The following ST6GAL1 variants were observed in gnomAD, a reference collection of about 807,000 sequenced individuals.
ST6GAL1 encodes the protein beta-galactoside alpha-2,6-sialyltransferase 1.
Under a neutral mutation model 38.0 loss-of-function variants are expected in ST6GAL1, and 20 were observed. The ratio of observed to expected loss-of-function variants is 0.53; its 90% CI spans 0.37 to 0.77. The LOEUF (loss-of-function observed/expected upper bound fraction) is 0.77, where lower values mean the gene tolerates loss of function less well. ST6GAL1 is among the 30% of genes least tolerant of loss of function. The pLI is 0.00. For missense variants in ST6GAL1, 432 were observed against 496.4 expected (o/e 0.87, Z 1.23); for synonymous variants, 196 against 188.2 (o/e 1.04, Z -0.34).
chr3:187,002,575 C>T (rs912510502), intron 2 of ST6GAL1, among the ~76,000 whole-genome samples: 28 of 152,166 alleles, frequency 1.8e-4, no homozygotes, highest in Admixed American at 9.2e-4. Flanking sequence ...GCTTTCTTGC[C>T]GCTAAGCATC....
At chr3:187,015,416 A>G (rs1717083357) in intron 2 of ST6GAL1, among the ~76,000 whole-genome samples, 1 of 152,190 alleles carries the variant, frequency 6.6e-6, no homozygotes, top group South Asian at 2.1e-4. Flanking sequence ...CCAGCATCCT[A>G]AGTGTGCTCT....
intron 3 of ST6GAL1, among the ~76,000 whole-genome samples, chr3:187,039,696 G>A (rs1300517160): frequency 2.6e-5 from 4 of 152,166 alleles, no homozygotes; most frequent in African/African-American, 7.2e-5. Flanking sequence ...CTTTTCCCTC[G>A]GTTGCGCCAT....
intron 1 of ST6GAL1, among the ~76,000 whole-genome samples, chr3:186,943,258 G>T (rs1031074717): frequency 1.1e-4 from 16 of 152,174 alleles, no homozygotes; most frequent in African/African-American, 3.6e-4. Context: ...GCAGGGGAAG[G>T]CTGCAGGAGC....
chr3:187,065,159 C>T (rs1719059151), intron 5 of ST6GAL1, among the ~76,000 whole-genome samples: 1 of 152,048 alleles, frequency 6.6e-6, no homozygotes, highest in East Asian at 1.9e-4. Context: ...CCACCATGCC[C>T]AGCTAATTTT....
At chr3:186,993,752 G>A (rs978097328) in intron 2 of ST6GAL1, among the ~76,000 whole-genome samples, 1 of 152,098 alleles carries the variant, frequency 6.6e-6, no homozygotes, top group Non-Finnish European at 1.5e-5. Flanking sequence ...TAGCTGTGTG[G>A]TCTTTCGAAA....
intron 2 of ST6GAL1, among the ~76,000 whole-genome samples, chr3:186,985,188 C>T (rs1367157370): frequency 3.3e-5 from 5 of 152,042 alleles, no homozygotes; most frequent in African/African-American, 7.2e-5. Context: ...GGATTGCAGA[C>T]GTGAGCCACT....
At chr3:187,053,704 TTATAG>T (rs910007750) in intron 5 of ST6GAL1, among the ~76,000 whole-genome samples, 36 of 152,224 alleles carry the variant, frequency 2.4e-4, no homozygotes, top group Non-Finnish European at 4.1e-4. Flanking sequence ...TACTGTAGCC[TTATAG>T]TATAGTTTGA....
rs540151994 is a variant in ST6GAL1 at position 186,956,288 on chromosome 3, T to A, written c.-324-7497T>A. ...AAAATTTGTGAAAGTCAAGCTTTAT[T>A]CTTAACCCATTTGGTGGCAAAACCT... On this transcript the variant is annotated intron_variant, in intron 1 of 7. Transcript: ENST00000169298. Among the ~76,000 whole-genome samples, 246 of 152,334 alleles carry A rather than the reference T, an allele frequency of 1.6e-3. 2 individuals carry two copies. The highest frequency in any genetic ancestry group is 0.013 in the South Asian group (61 of 4,828).
chr3:186,996,843 T>TC (rs1716428015), intron 2 of ST6GAL1, among the ~76,000 whole-genome samples: 1 of 151,714 alleles, frequency 6.6e-6, no homozygotes, highest in African/African-American at 2.4e-5. Context: ...TACATACGTG[T>TC]CCCCCGCTTC....
chr3:186,953,246 A>G (rs1388825295), intron 1 of ST6GAL1, among the ~76,000 whole-genome samples: 1 of 152,180 alleles, frequency 6.6e-6, no homozygotes, highest in Non-Finnish European at 1.5e-5. Flanking sequence ...AGAAAGGCCT[A>G]CAGGATTCTG....
intron 2 of ST6GAL1, among the ~76,000 whole-genome samples, chr3:186,972,624 T>A (rs1267451335): frequency 6.6e-6 from 1 of 152,106 alleles, no homozygotes; most frequent in African/African-American, 2.4e-5. Flanking sequence ...TGACGCCACA[T>A]AACACGGCTC....
intron 2 of ST6GAL1, among the ~76,000 whole-genome samples, chr3:187,032,521 A>T (rs1364752823): frequency 6.6e-6 from 1 of 152,224 alleles, no homozygotes; most frequent in Non-Finnish European, 1.5e-5. Flanking sequence ...AGTGCTAGAC[A>T]TTCATCTAGT....
At chr3:187,032,445 A>T (rs926931590) in intron 2 of ST6GAL1, among the ~76,000 whole-genome samples, 2 of 152,210 alleles carry the variant, frequency 1.3e-5, no homozygotes, top group African/African-American at 4.8e-5. Context: ...GAGTGATGCC[A>T]GGAGTAAGAG....
intron 1 of ST6GAL1, among the ~76,000 whole-genome samples, chr3:186,934,857 C>G (rs182794956): frequency 6.6e-6 from 1 of 151,768 alleles, no homozygotes; most frequent in Non-Finnish European, 1.5e-5. Context: ...AGCTCCGCCT[C>G]CCGGGTTCAC....
chr3:186,990,447 C>T (rs1424136614), intron 2 of ST6GAL1, among the ~76,000 whole-genome samples: 1 of 152,124 alleles, frequency 6.6e-6, no homozygotes, highest in Non-Finnish European at 1.5e-5. Context: ...AGCATGTGTT[C>T]ATGTTCAGTC....
Position 186,999,481 on chromosome 3 carries a change from G to A in ST6GAL1, c.-183+35555G>A, listed in dbSNP as rs536185289. ...GACTGGAGTGCAGTGGCACGATCTCGGCTCACTGCAAGCTCCGCCTCCCTG... is the reference window on the plus strand; with the variant it reads ...GACTGGAGTGCAGTGGCACGATCTCAGCTCACTGCAAGCTCCGCCTCCCTG... On this transcript the variant is annotated intron_variant, in intron 2 of 7. Transcript: ENST00000169298. Among the ~76,000 whole-genome samples the A allele has an allele frequency of 3.9e-4, 59 of 149,746 alleles. No individual in the cohort carries two copies. In the South Asian group the frequency reaches 0.012, roughly 30 times the overall value.
At chr3:186,971,046 A>G (rs79111581) in intron 2 of ST6GAL1, among the ~76,000 whole-genome samples, 3 of 152,320 alleles carry the variant, frequency 2.0e-5, no homozygotes, top group Non-Finnish European at 4.4e-5. Flanking sequence ...CTTCCTCCAC[A>G]TGCTTGCCAG....
chr3:186,938,006 G>A (rs776494662), intron 1 of ST6GAL1, among the ~76,000 whole-genome samples: 1 of 152,180 alleles, frequency 6.6e-6, no homozygotes, highest in Non-Finnish European at 1.5e-5. Context: ...CCCAGTAGGC[G>A]GAGGTTGCAG....
intron 1 of ST6GAL1, among the ~76,000 whole-genome samples, chr3:186,936,985 T>A (rs79677442): frequency 7.0e-6 from 1 of 142,620 alleles, no homozygotes; most frequent in Admixed American, 7.0e-5. Context: ...CCATTGAGGA[T>A]AATTTGGAAA....
Sources: allele counts gnomAD v4.1 joint callset (sites outside exome capture counted in the v4.1 genomes callset), GRCh38; gene constraint gnomAD v4.1.1; transcripts MANE v1.5; gene names NCBI Gene and HGNC (gene_info 2026-07-23, HGNC 2026-07-21).